BTRC: variants seen among roughly 807,000 people sequenced by gnomAD.
BTRC encodes the protein beta-transducin repeat containing E3 ubiquitin protein ligase, also known as F-box/WD repeat-containing protein 1A.
BTRC carries 42 observed loss-of-function variants against 85.5 expected under a neutral mutation model. That is an observed-to-expected ratio of 0.49 (90% CI 0.38 to 0.64). The LOEUF (loss-of-function observed/expected upper bound fraction) is 0.64, where lower values mean the gene tolerates loss of function less well. Among genes scored for constraint, BTRC ranks in the 30% least tolerant of loss-of-function variants. BTRC has a pLI of 0.00. For missense variants in BTRC, 594 were observed against 743.5 expected, an observed-to-expected ratio of 0.80 and a Z score of 2.34; for synonymous variants, 255 against 263.3, an observed-to-expected ratio of 0.97 and a Z score of 0.30.
At position 101,541,465 on chromosome 10, in the gene BTRC, T is replaced by G. The variant is rs554276346; in HGVS notation, c.1656+3094T>G. 7.9e-5 allele frequency among the ~76,000 whole-genome samples: 12 copies of G among 152,224 alleles called. No homozygotes were observed. The South Asian group carries it at 2.5e-3, about 32-fold the overall frequency. On this transcript the variant is annotated intron_variant, in intron 13 of 14. Transcript: ENST00000370187. ...TTAGTAGAGACGGGGTTTCATCATG[T>G]TAGCCAGGATGGTCTCGATCTCCTG...
At chr10:101,462,787 T>C (rs1338203887) in intron 3 of BTRC, among the ~76,000 whole-genome samples, 2 of 152,142 alleles carry the variant, frequency 1.3e-5, no homozygotes, top group East Asian at 3.8e-4. Flanking sequence ...AGAATGTCCT[T>C]GGCAAAAACA....
At chr10:101,463,853 T>A (rs1945293983) in intron 3 of BTRC, among the ~76,000 whole-genome samples, 1 of 152,180 alleles carries the variant, frequency 6.6e-6, no homozygotes, top group African/African-American at 2.4e-5. Context: ...ATTCATTTTT[T>A]AATTTACTAT....
chr10:101,386,428 C>T (rs1040172376), intron 1 of BTRC, among the ~76,000 whole-genome samples: 4 of 152,146 alleles, frequency 2.6e-5, no homozygotes, highest in East Asian at 1.9e-4. Flanking sequence ...TCTTCATCCT[C>T]TTAAGGTATC....
At chr10:101,536,419 C>T (rs543426406) in intron 11 of BTRC, 124 bp from the exon 12 acceptor site, 31 of 657,704 alleles carry the variant, frequency 4.7e-5, no homozygotes, top group Non-Finnish European at 7.7e-5. Flanking sequence ...CAGTACATAT[C>T]TGTGTGGGTG....
At chr10:101,464,548 C>T (rs145188677) in intron 3 of BTRC, among the ~76,000 whole-genome samples, 4,319 of 143,536 alleles carry the variant, frequency 0.03, 63 homozygotes, top group Middle Eastern at 0.066. Flanking sequence ...CCCACCCCCC[C>T]CATGGTGCTT....
intron 2 of BTRC, among the ~76,000 whole-genome samples, chr10:101,457,840 C>G (rs1220705719): frequency 6.6e-6 from 1 of 152,084 alleles, no homozygotes; most frequent in Non-Finnish European, 1.5e-5. Flanking sequence ...TTTATTTTGA[C>G]ATAACTTCAG....
chr10:101,476,884 G>A (rs374182940), intron 3 of BTRC, among the ~76,000 whole-genome samples: 3 of 152,120 alleles, frequency 2.0e-5, no homozygotes, highest in Admixed American at 6.5e-5. Context: ...AATGGTTCTC[G>A]AAGAGTGTTC....
At chr10:101,525,005 G>C (rs1308037033) in intron 5 of BTRC, among the ~76,000 whole-genome samples, 2 of 152,308 alleles carry the variant, frequency 1.3e-5, no homozygotes, top group East Asian at 3.9e-4. Context: ...CTACGGGAGT[G>C]AGAGTATGAA....
chr10:101,441,513 C>T (rs1447295849), intron 2 of BTRC, among the ~76,000 whole-genome samples: 1 of 152,196 alleles, frequency 6.6e-6, no homozygotes, highest in Non-Finnish European at 1.5e-5. Context: ...TCTAATCTCT[C>T]CCTGATCACT....
chr10:101,432,132 TC>T (rs1944418054), intron 2 of BTRC, among the ~76,000 whole-genome samples: 1 of 135,264 alleles, frequency 7.4e-6, no homozygotes, highest in Admixed American at 7.8e-5. Context: ...ATCTTTTTTT[TC>T]CTTTTTTTTT....
intron 3 of BTRC, among the ~76,000 whole-genome samples, chr10:101,475,922 C>CATATGTATATAT (rs1554884572): frequency 3.0e-5 from 2 of 67,538 alleles, no homozygotes; most frequent in African/African-American, 9.7e-5. Context: ...AGTATTTTGC[C>CATATGTATATAT]ATATATATAT....
chr10:101,459,106 C>A (rs1589495807), intron 2 of BTRC, among the ~76,000 whole-genome samples: 2 of 152,164 alleles, frequency 1.3e-5, no homozygotes, highest in Admixed American at 1.3e-4. Flanking sequence ...GGCTCACTTG[C>A]TAATTTTAGC....
At chr10:101,534,587 A>ATTCC (rs1195831485) in intron 9 of BTRC, 74 bp from the exon 10 acceptor site, 2 of 1,570,028 alleles carry the variant, frequency 1.3e-6, no homozygotes, top group African/African-American at 2.7e-5. Flanking sequence ...AAGGGGTGGA[A>ATTCC]GGGCGCATGA....
chr10:101,380,531 G>GC (rs1190795484), intron 1 of BTRC, among the ~76,000 whole-genome samples: 1 of 152,128 alleles, frequency 6.6e-6, no homozygotes, highest in Non-Finnish European at 1.5e-5. Context: ...GGGCGGCTGG[G>GC]CAGAGGCACT....
intron 3 of BTRC, among the ~76,000 whole-genome samples, chr10:101,471,741 A>G (rs929428673): frequency 3.9e-5 from 6 of 152,140 alleles, no homozygotes; most frequent in Middle Eastern, 3.2e-3. Context: ...TAAACTTATT[A>G]TTTAAATTTA....
At chr10:101,481,358 T>A (rs1177214143) in intron 4 of BTRC, among the ~76,000 whole-genome samples, 1 of 152,158 alleles carries the variant, frequency 6.6e-6, no homozygotes, top group Non-Finnish European at 1.5e-5. Context: ...GCCATGCTGC[T>A]CTTAGTTTCA....
chr10:101,410,243 T>A (rs1176196459), intron 1 of BTRC, among the ~76,000 whole-genome samples: 1 of 152,204 alleles, frequency 6.6e-6, no homozygotes, highest in Admixed American at 6.5e-5. Context: ...GTTCTTTTTT[T>A]AAACTTACCA....
intron 1 of BTRC, among the ~76,000 whole-genome samples, chr10:101,393,749 C>T (rs549370538): frequency 6.6e-6 from 1 of 152,268 alleles, no homozygotes; most frequent in South Asian, 2.1e-4. Context: ...TACACACTCC[C>T]CCACCCTGGA....
intron 4 of BTRC, among the ~76,000 whole-genome samples, chr10:101,517,145 A>T (rs576562420): frequency 6.6e-6 from 1 of 152,192 alleles, no homozygotes; most frequent in Non-Finnish European, 1.5e-5. Flanking sequence ...GTTCTTAGTA[A>T]TCATTTTTAG....
Sources: allele counts gnomAD v4.1 joint callset (sites outside exome capture counted in the v4.1 genomes callset), GRCh38; gene constraint gnomAD v4.1.1; transcripts MANE v1.5; gene names NCBI Gene and HGNC (gene_info 2026-07-23, HGNC 2026-07-21).